AMOT: variants seen among roughly 807,000 people sequenced by gnomAD.
AMOT encodes the protein angiomotin.
AMOT carries 11 observed loss-of-function variants against 67.0 expected under a neutral mutation model. The ratio of observed to expected loss-of-function variants is 0.16; its 90% confidence interval spans 0.10 to 0.27. AMOT has a LOEUF of 0.27. Ranked by LOEUF, AMOT falls within the 10% of genes least tolerant of loss-of-function variation. The pLI is 1.00. For missense variants in AMOT, 753 were observed against 852.0 expected (o/e 0.88, Z 1.45); for synonymous variants, 326 against 321.4 (o/e 1.01, Z -0.15).
chrX:112,809,462 T>C (rs1934286708), intron 7 of AMOT, among the ~76,000 whole-genome samples: 2 of 111,140 alleles, frequency 1.8e-5, no homozygotes, highest in Non-Finnish European at 3.8e-5. Context: ...TGTGTAACAA[T>C]AAATACTAGG....
intron 10 of AMOT, among the ~76,000 whole-genome samples, chrX:112,783,683 G>C (rs1933272704): frequency 2.0e-5 from 2 of 99,465 alleles, no homozygotes; most frequent in Non-Finnish European, 4.0e-5. Context: ...CAATTAATAA[G>C]GAAAAACATG....
intron 4 of AMOT, among the ~76,000 whole-genome samples, chrX:112,816,857 C>T (rs1004140482): frequency 1.8e-5 from 2 of 112,059 alleles, no homozygotes; most frequent in African/African-American, 6.5e-5. Context: ...GTGGCTCTCC[C>T]ATTTTTGTAC....
intron 7 of AMOT, among the ~76,000 whole-genome samples, chrX:112,807,150 G>A (rs1241123339): frequency 9.0e-6 from 1 of 110,805 alleles, no homozygotes; most frequent in Admixed American, 9.6e-5. Flanking sequence ...CCTTCCACAC[G>A]AGAGAAGGAA....
intron 10 of AMOT, among the ~76,000 whole-genome samples, 154 bp downstream of exon 10, chrX:112,790,438 G>A (rs750411539): frequency 7.2e-5 from 8 of 111,207 alleles, no homozygotes; most frequent in Middle Eastern, 4.6e-3. Context: ...CTCTACAGCC[G>A]TTCATTCCCT....
At chrX:112,780,040 G>A (rs1461800384) in intron 12 of AMOT, among the ~76,000 whole-genome samples, 2 of 110,393 alleles carry the variant, frequency 1.8e-5, no homozygotes, top group East Asian at 2.9e-4. Context: ...AATGGTGATT[G>A]GGTTCCACCA....
In AMOT at chrX:112,775,516, G is replaced by A. The variant is rs1029580175; in HGVS notation, c.*3051C>T. 15 of 112,122 alleles carry A rather than the reference G, an allele frequency of 1.3e-4. No individual in the cohort carries two copies. The highest frequency in any genetic ancestry group is 2.6e-4 in the Non-Finnish European group (14 of 53,179). 9.2% of individuals were successfully genotyped at this position (112,122 alleles called of 1,213,427 possible). On this transcript the variant is annotated 3_prime_UTR_variant, in exon 14 of 14. Transcript: ENST00000371959. ...ACCCAACAGTGTAACAACAAAAAGA[G>A]AACATGATGGGTCTCTGGGTATCTT...
chrX:112,814,616 T>C (rs1348681042), intron 5 of AMOT, among the ~76,000 whole-genome samples: 1 of 112,102 alleles, frequency 8.9e-6, no homozygotes, highest in Non-Finnish European at 1.9e-5. Flanking sequence ...TCGCTTGGGG[T>C]ACTCCAGAGG....
chrX:112,805,364 A>G (rs925283548), intron 7 of AMOT, among the ~76,000 whole-genome samples: 1 of 76,261 alleles, frequency 1.3e-5, no homozygotes, highest in Non-Finnish European at 2.5e-5. Context: ...GGCATTATAC[A>G]AAGAATACAC....
chrX:112,831,349 A>G (rs1306452733), intron 2 of AMOT, among the ~76,000 whole-genome samples: 12 of 110,091 alleles, frequency 1.1e-4, no homozygotes, highest in African/African-American at 4.0e-4. Context: ...TGGAAAATGA[A>G]TTCTCTATGA....
intron 5 of AMOT, among the ~76,000 whole-genome samples, chrX:112,814,233 T>C (rs755470346): frequency 5.6e-5 from 6 of 107,795 alleles, no homozygotes; most frequent in African/African-American, 2.0e-4. Context: ...GATCGTGCCA[T>C]TGCACTGCAG....
intron 11 of AMOT, 148 bp downstream of exon 11, chrX:112,782,392 T>C (rs1933213694): frequency 1.3e-6 from 1 of 753,169 alleles, no homozygotes; most frequent in Admixed American, 2.5e-5. Context: ...TAAAGGTCAT[T>C]GCATCTCACA....
chrX:112,838,082 G>A lies in AMOT; in HGVS notation c.-289+2370C>T, dbSNP rs759062282. Among the ~76,000 whole-genome samples the A allele has an allele frequency of 8.1e-5, 9 of 111,552 alleles. No individual in the cohort carries two copies. The East Asian group carries it at 2.5e-3, about 31-fold the overall frequency. On this transcript the variant is annotated intron_variant, in intron 1 of 13. Coordinates refer to ENST00000371959, the MANE Select transcript of AMOT (RefSeq NM_001113490.2). Reference sequence around the variant, plus strand: ...GCATTCCAAATGCTCAGTCTCCATGGAGGAGGCTACCTGGTCACAAGCATT... The same window carrying A: ...GCATTCCAAATGCTCAGTCTCCATGAAGGAGGCTACCTGGTCACAAGCATT...
At chrX:112,823,239 C>T (rs1404130171) in intron 3 of AMOT, 51 bp from the exon 4 acceptor site, 10 of 758,244 alleles carry the variant, frequency 1.3e-5, no homozygotes, top group Non-Finnish European at 1.9e-5. Context: ...ATAAATCAGT[C>T]CTCTAAAGGG....
chrX:112,788,085 C>T lies in AMOT; in HGVS notation c.2117+2507G>A, dbSNP rs192326824. On this transcript the variant is annotated intron_variant, in intron 10 of 13. Coordinates refer to ENST00000371959, the MANE Select transcript of AMOT (RefSeq NM_001113490.2). ...CAGGTGGATCACAAGGTCAGGAGATCAAGACCATCCTGGCTAACACAATGA... is the reference window on the plus strand; with the variant it reads ...CAGGTGGATCACAAGGTCAGGAGATTAAGACCATCCTGGCTAACACAATGA... Among the ~76,000 whole-genome samples, 1,103 of 110,371 alleles carry T rather than the reference C, an allele frequency of 1.0e-2. 7 individuals are homozygous for T. The highest frequency in any genetic ancestry group is 0.017 in the Admixed American group (174 of 10,248).
Position 112,822,516 on chromosome X carries a change from G to A in AMOT, c.611C>T (p.Pro204Leu). ...TGTGGGATTCTTGTAGAGGTCATTG[G>A]GTTGTGGTGGGGAGAGGGGAGCACT... ...VTSAPLSPPQ[P>L]NDLYKNPTSS... The change falls in exon 4 of 14, where the codon CCC becomes CTC. Residue 204 changes from proline (P) to leucine (L), a missense_variant. Coordinates refer to ENST00000371959, the MANE Select transcript of AMOT (RefSeq NM_001113490.2). The A allele has an allele frequency of 1.7e-6, 2 of 1,168,053 alleles. No homozygotes were observed.
At chrX:112,782,374 T>G (rs1933213153) in intron 11 of AMOT, among the ~76,000 whole-genome samples, 166 bp downstream of exon 11, 1 of 111,802 alleles carries the variant, frequency 8.9e-6, no homozygotes, top group African/African-American at 3.3e-5. Context: ...TAGTGGAGAT[T>G]ATCAAGGTAA....
intron 8 of AMOT, among the ~76,000 whole-genome samples, chrX:112,795,251 T>C (rs922773936): frequency 6.8e-5 from 6 of 87,943 alleles, no homozygotes; most frequent in African/African-American, 9.5e-5. Context: ...TCTCTCTCTG[T>C]GTGTGTGTGT....
intron 10 of AMOT, among the ~76,000 whole-genome samples, chrX:112,788,758 T>C (rs2077796725): frequency 8.9e-6 from 1 of 112,512 alleles, no homozygotes; most frequent in African/African-American, 3.2e-5. Flanking sequence ...TATTGGAAAG[T>C]GTTCTTTCTA....
At chrX:112,798,948 C>T (rs979217258) in intron 8 of AMOT, among the ~76,000 whole-genome samples, 38 of 111,902 alleles carry the variant, frequency 3.4e-4, no homozygotes, top group Admixed American at 1.0e-3. Context: ...CAAATGAATA[C>T]CACGTGATGG....
Sources: allele counts gnomAD v4.1 joint callset (sites outside exome capture counted in the v4.1 genomes callset), GRCh38; gene constraint gnomAD v4.1.1; transcripts MANE v1.5; gene names NCBI Gene and HGNC (gene_info 2026-07-23, HGNC 2026-07-21).